The following RARB variants were observed in gnomAD, a reference collection of about 807,000 sequenced individuals.
The protein encoded by RARB is HBV-activated protein.
A neutral mutation model predicts 51.9 loss-of-function variants in RARB; 17 were observed. That is an observed-to-expected ratio of 0.33 (90% confidence interval 0.22 to 0.49). The LOEUF (loss-of-function observed/expected upper bound fraction) is 0.49. RARB is among the 20% of genes least tolerant of loss of function. RARB has a pLI of 0.99. For synonymous variants in RARB, 215 were observed against 195.4 expected (o/e 1.10, Z -0.84); for missense variants, 369 against 550.8 (o/e 0.67, Z 3.30).
chr3:25,209,708 C>T (rs1267264460), intron 5 of RARB, among the ~76,000 whole-genome samples: 1 of 152,142 alleles, frequency 6.6e-6, no homozygotes, highest in Non-Finnish European at 1.5e-5. Context: ...CTCCTGCTCC[C>T]TGCCACCATG....
chr3:25,329,914 A>G (rs1192963806), intron 5 of RARB, among the ~76,000 whole-genome samples: 1 of 152,246 alleles, frequency 6.6e-6, no homozygotes, highest in Non-Finnish European at 1.5e-5. Flanking sequence ...AAAGGGTATC[A>G]GTGATTGAAG....
chr3:24,872,334 A>T (rs945702375), intron 2 of RARB, among the ~76,000 whole-genome samples: 1 of 152,116 alleles, frequency 6.6e-6, no homozygotes, highest in East Asian at 1.9e-4. Context: ...GTTCTTACCT[A>T]ATCCACTTTC....
At chr3:25,038,854 G>C (rs533019234) in intron 2 of RARB, among the ~76,000 whole-genome samples, 1 of 152,274 alleles carries the variant, frequency 6.6e-6, no homozygotes, top group East Asian at 1.9e-4. Context: ...AAAAGACAAG[G>C]AGGCATAAAC....
chr3:25,237,700 C>A (rs1365729822), intron 5 of RARB, among the ~76,000 whole-genome samples: 1 of 152,060 alleles, frequency 6.6e-6, no homozygotes, highest in African/African-American at 2.4e-5. Context: ...TTATATCACC[C>A]CAAAAAGAAA....
At chr3:25,407,400 T>A (rs575245565) in intron 5 of RARB, among the ~76,000 whole-genome samples, 1 of 152,326 alleles carries the variant, frequency 6.6e-6, no homozygotes, top group East Asian at 1.9e-4. Flanking sequence ...AATCCTTACC[T>A]TGAATGATGC....
intron 3 of RARB, among the ~76,000 whole-genome samples, chr3:25,119,254 C>G (rs1454410645): frequency 6.6e-6 from 1 of 152,116 alleles, no homozygotes; most frequent in African/African-American, 2.4e-5. Context: ...TGGTCATCTA[C>G]TGGCAGTGAG....
intron 5 of RARB, among the ~76,000 whole-genome samples, chr3:25,186,721 T>C (rs6796899): frequency 0.77 from 116,263 of 151,960 alleles, 44,584 homozygotes; most frequent in Admixed American, 0.8. Flanking sequence ...TTTTATAAAT[T>C]GTAGAAAAGA....
Position 25,574,371 on chromosome 3 carries a change from C to T in RARB, c.609+4453C>T, listed in dbSNP as rs543712658. ...GGTTCCATGAGAAAAATATATGGAGCGCCTTGCACAGTTTCCGGCACAGAG... is the reference window on the plus strand; with the variant it reads ...GGTTCCATGAGAAAAATATATGGAGTGCCTTGCACAGTTTCCGGCACAGAG... On this transcript the variant is annotated intron_variant, in intron 4 of 7. Transcript: ENST00000330688. 4.6e-5 allele frequency among the ~76,000 whole-genome samples: 7 copies of T among 152,324 alleles called. No individual in the cohort carries two copies. The East Asian group carries it at 1.4e-3, about 29-fold the overall frequency.
chr3:25,361,939 C>T (rs1705952353), intron 5 of RARB, among the ~76,000 whole-genome samples: 1 of 152,190 alleles, frequency 6.6e-6, no homozygotes, highest in Admixed American at 6.5e-5. Flanking sequence ...AGGTGTCTCC[C>T]TTTCAGGAGG....
intron 2 of RARB, among the ~76,000 whole-genome samples, chr3:25,035,197 C>G (rs1013550833): frequency 1.3e-5 from 2 of 152,136 alleles, no homozygotes; most frequent in Admixed American, 6.5e-5. Context: ...TCTTGGCTCA[C>G]TATAGCCTCA....
chr3:24,904,102 A>G (rs1432076263), intron 2 of RARB, among the ~76,000 whole-genome samples: 1 of 152,220 alleles, frequency 6.6e-6, no homozygotes, highest in Non-Finnish European at 1.5e-5. Flanking sequence ...AACAAGAACA[A>G]AATTGTCATA....
chr3:25,528,605 C>T (rs1474409547), intron 3 of RARB, among the ~76,000 whole-genome samples: 2 of 152,042 alleles, frequency 1.3e-5, no homozygotes, highest in Admixed American at 1.3e-4. Context: ...GGATAGGATC[C>T]AATCAGGTGG....
chr3:25,301,322 T>C (rs1704031994), intron 5 of RARB, among the ~76,000 whole-genome samples: 1 of 152,158 alleles, frequency 6.6e-6, no homozygotes, highest in Non-Finnish European at 1.5e-5. Flanking sequence ...ATATCTTCTG[T>C]AGGAGGATCC....
chr3:24,977,921 G>A (rs1422004625), intron 2 of RARB, among the ~76,000 whole-genome samples: 2 of 152,074 alleles, frequency 1.3e-5, no homozygotes, highest in African/African-American at 2.4e-5. Context: ...ATTTTGAGAT[G>A]CATTCCATCA....
At chr3:24,858,963 G>T (rs1702684782) in intron 2 of RARB, among the ~76,000 whole-genome samples, 1 of 150,708 alleles carries the variant, frequency 6.6e-6, no homozygotes, top group South Asian at 2.1e-4. Flanking sequence ...CTTGAACTGG[G>T]GAGGTGGAGG....
At chr3:25,344,911 C>T (rs544545430) in intron 5 of RARB, among the ~76,000 whole-genome samples, 2 of 152,082 alleles carry the variant, frequency 1.3e-5, no homozygotes, top group East Asian at 3.9e-4. Context: ...CTTAAATTGT[C>T]ATTCTCATGC....
intron 5 of RARB, among the ~76,000 whole-genome samples, chr3:25,322,304 G>A (rs1015684130): frequency 1.3e-5 from 2 of 152,162 alleles, no homozygotes; most frequent in African/African-American, 4.8e-5. Flanking sequence ...TTGTGATGAA[G>A]AAAAAGAAAG....
chr3:24,839,079 A>C (rs940646807), intron 1 of RARB, among the ~76,000 whole-genome samples: 1 of 152,178 alleles, frequency 6.6e-6, no homozygotes, highest in African/African-American at 2.4e-5. Flanking sequence ...TGAGTAAAAA[A>C]GTATTTAATA....
At chr3:25,333,237 G>T (rs1704959104) in intron 5 of RARB, among the ~76,000 whole-genome samples, 1 of 152,082 alleles carries the variant, frequency 6.6e-6, no homozygotes. Context: ...TAAGCCAAAA[G>T]AACAAAGCTG....
Sources: gnomAD v4.1 joint callset for allele counts (sites outside exome capture counted in the v4.1 genomes callset) on GRCh38, gnomAD v4.1.1 for gene constraint, MANE v1.5 for transcripts, NCBI Gene and HGNC (gene_info 2026-07-23, HGNC 2026-07-21) for gene names.